The following ASCC3 variants were observed in gnomAD, a reference collection of about 807,000 sequenced individuals.
ASCC3 encodes the protein ASC-1 complex subunit P200.
In ASCC3, 158 loss-of-function variants were observed where a neutral mutation model predicts 256.3. The observed-to-expected ratio is 0.62, with a 90% CI of 0.54 to 0.70. The LOEUF (loss-of-function observed/expected upper bound fraction) is 0.70. Among genes scored for constraint, ASCC3 ranks in the 30% least tolerant of loss-of-function variants. The pLI, the probability that ASCC3 is intolerant of heterozygous loss-of-function variation, is 0.00. For missense variants in ASCC3, 2,259 were observed against 2,626.0 expected, an observed-to-expected ratio of 0.86 and a Z score of 3.05; for synonymous variants, 948 against 883.4, an observed-to-expected ratio of 1.07 and a Z score of -1.30.
At chr6:100,550,947 G>C (rs1769265733) in intron 36 of ASCC3, among the ~76,000 whole-genome samples, 1 of 151,806 alleles carries the variant, frequency 6.6e-6, no homozygotes, top group Admixed American at 6.6e-5. Context: ...AGTTTAATAA[G>C]TTTCATAAAA....
At chr6:100,835,285 T>C (rs1460777027) in intron 4 of ASCC3, among the ~76,000 whole-genome samples, 1 of 152,174 alleles carries the variant, frequency 6.6e-6, no homozygotes, top group East Asian at 1.9e-4. Context: ...ATTGATGTAA[T>C]ACAATTTGTC....
chr6:100,700,338 T>C (rs1778294794), intron 13 of ASCC3, among the ~76,000 whole-genome samples: 1 of 152,080 alleles, frequency 6.6e-6, no homozygotes, highest in African/African-American at 2.4e-5. Flanking sequence ...TGCCTAGATA[T>C]CCGATGATGT....
intron 36 of ASCC3, among the ~76,000 whole-genome samples, chr6:100,572,577 T>C (rs240776): frequency 0.58 from 87,588 of 151,952 alleles, 25,736 homozygotes; most frequent in South Asian, 0.71. Flanking sequence ...GGGTAACTGT[T>C]CTGTTTTCAA....
At chr6:100,566,976 T>G (rs961638667) in intron 36 of ASCC3, among the ~76,000 whole-genome samples, 1 of 152,164 alleles carries the variant, frequency 6.6e-6, no homozygotes, top group African/African-American at 2.4e-5. Context: ...TGAAAGAATA[T>G]TCTCAGCTCC....
rs748251774 is a variant in ASCC3, at chr6:100,768,708, TG to T, written c.1396-1364del. Among the ~76,000 whole-genome samples, 3 of 152,282 alleles carry T rather than the reference TG, an allele frequency of 2.0e-5. No individual in the cohort carries two copies. In the East Asian group the frequency reaches 5.8e-4, roughly 29 times the overall value. On this transcript the variant is annotated intron_variant, in intron 8 of 41. Transcript: ENST00000369162. Reference sequence around the variant, plus strand: ...TCAGCAAGGCTACCATAGACTTGAATGGCACTATAAACCAACTTGACTTGAT... The same window carrying T: ...TCAGCAAGGCTACCATAGACTTGAATGCACTATAAACCAACTTGACTTGAT...
chr6:100,806,764 T>C (rs1770203869), intron 4 of ASCC3, among the ~76,000 whole-genome samples: 1 of 151,946 alleles, frequency 6.6e-6, no homozygotes, highest in African/African-American at 2.4e-5. Context: ...TTACTGAAGT[T>C]ATGCACACAA....
chr6:100,604,776 C>T (rs1343949282), intron 33 of ASCC3, among the ~76,000 whole-genome samples: 1 of 151,780 alleles, frequency 6.6e-6, no homozygotes, highest in Non-Finnish European at 1.5e-5. Context: ...ACATTATTAG[C>T]ACTTATAAAA....
At chr6:100,536,491 C>CTA in intron 37 of ASCC3, among the ~76,000 whole-genome samples, 1 of 152,270 alleles carries the variant, frequency 6.6e-6, no homozygotes, top group Non-Finnish European at 1.5e-5. Context: ...CCCAGATTTT[C>CTA]TATTTTTGAG....
At chr6:100,693,107 T>G (rs1230637011) in intron 13 of ASCC3, among the ~76,000 whole-genome samples, 2 of 152,082 alleles carry the variant, frequency 1.3e-5, no homozygotes, top group East Asian at 3.8e-4. Flanking sequence ...AAGATACATA[T>G]ATATGATGAC....
chr6:100,830,471 C>A (rs1185062862), intron 4 of ASCC3, among the ~76,000 whole-genome samples: 1 of 152,120 alleles, frequency 6.6e-6, no homozygotes, highest in African/African-American at 2.4e-5. Context: ...ATACTGTTTA[C>A]TCTCTTTCCT....
intron 29 of ASCC3, among the ~76,000 whole-genome samples, chr6:100,627,173 G>T (rs1774279820): frequency 6.6e-6 from 1 of 152,000 alleles, no homozygotes; most frequent in African/African-American, 2.4e-5. Flanking sequence ...TGCCTAATTT[G>T]TTAGAAGAGG....
At chr6:100,604,490 C>G (rs535622000) in intron 33 of ASCC3, among the ~76,000 whole-genome samples, 2 of 151,716 alleles carry the variant, frequency 1.3e-5, no homozygotes, top group Non-Finnish European at 2.9e-5. Flanking sequence ...GAGTTTCACC[C>G]TGTTGCTCAA....
intron 36 of ASCC3, among the ~76,000 whole-genome samples, chr6:100,559,626 G>A (rs908530246): frequency 6.6e-6 from 1 of 152,116 alleles, no homozygotes; most frequent in African/African-American, 2.4e-5. Context: ...AAGGCGGGAG[G>A]ATCACCTGAG....
chr6:100,669,639 A>G (rs1776642661), intron 14 of ASCC3, among the ~76,000 whole-genome samples: 2 of 151,864 alleles, frequency 1.3e-5, no homozygotes, highest in Non-Finnish European at 1.5e-5. Flanking sequence ...AAATTCTACA[A>G]CTGAAGAATA....
intron 7 of ASCC3, 88 bp downstream of exon 7, chr6:100,799,343 T>C (rs1292935749): frequency 2.1e-6 from 3 of 1,449,584 alleles, no homozygotes; most frequent in African/African-American, 1.4e-5. Context: ...CAACTAGTGT[T>C]AGACTCACGA....
At chr6:100,611,826 A>G (rs1773414220) in intron 30 of ASCC3, among the ~76,000 whole-genome samples, 1 of 151,598 alleles carries the variant, frequency 6.6e-6, no homozygotes, top group African/African-American at 2.4e-5. Context: ...GCCTTAGGAC[A>G]TTAAGGCTTA....
chr6:100,559,720 C>T (rs1193969726), intron 36 of ASCC3, among the ~76,000 whole-genome samples: 6 of 151,892 alleles, frequency 4.0e-5, no homozygotes, highest in South Asian at 2.1e-4. Context: ...CGTGGTGGTG[C>T]CTGTAATCCC....
chr6:100,763,928 G>A (rs1381784727), intron 10 of ASCC3, among the ~76,000 whole-genome samples: 1 of 152,036 alleles, frequency 6.6e-6, no homozygotes, highest in Non-Finnish European at 1.5e-5. Flanking sequence ...CTTGGCCAGA[G>A]TCTGCAGGAC....
chr6:100,637,927 T>C (rs1057084672), intron 25 of ASCC3, among the ~76,000 whole-genome samples: 1 of 152,170 alleles, frequency 6.6e-6, no homozygotes. Context: ...ACTGTGACCA[T>C]TGCTGAAATG....
Sources: allele counts gnomAD v4.1 joint callset (sites outside exome capture counted in the v4.1 genomes callset), GRCh38; gene constraint gnomAD v4.1.1; transcripts MANE v1.5; gene names NCBI Gene and HGNC (gene_info 2026-07-23, HGNC 2026-07-21).